Variants in GRID2 observed in about 807,000 individuals in gnomAD.
GRID2 encodes glutamate receptor ionotropic, delta-2.
GRID2 carries 33 observed loss-of-function variants against 114.8 expected under a neutral mutation model. That is an observed-to-expected ratio of 0.29 (90% confidence interval 0.22 to 0.38). The LOEUF (loss-of-function observed/expected upper bound fraction) is 0.38. Among genes scored for constraint, GRID2 ranks in the 10% least tolerant of loss-of-function variants. The pLI is 1.00. For missense variants in GRID2, 1,184 were observed against 1,257.7 expected, an observed-to-expected ratio of 0.94 and a Z score of 0.89; for synonymous variants, 505 against 449.9, an observed-to-expected ratio of 1.12 and a Z score of -1.55.
chr4:92,711,099 G>A (rs1182934469), intron 2 of GRID2, among the ~76,000 whole-genome samples: 2 of 152,080 alleles, frequency 1.3e-5, no homozygotes, highest in Middle Eastern at 3.4e-3. Flanking sequence ...CTAAGTTAAT[G>A]TAACTTATAC....
chr4:93,058,807 A>G (rs972496642), intron 2 of GRID2, among the ~76,000 whole-genome samples: 1 of 152,024 alleles, frequency 6.6e-6, no homozygotes, highest in Non-Finnish European at 1.5e-5. Context: ...AGTATCTTTC[A>G]TTTGGCTCAT....
intron 2 of GRID2, among the ~76,000 whole-genome samples, chr4:92,754,457 G>T (rs539955780): frequency 6.6e-6 from 1 of 152,166 alleles, no homozygotes; most frequent in South Asian, 2.1e-4. Context: ...AAACTATCTA[G>T]GTTCAAACCC....
intron 3 of GRID2, among the ~76,000 whole-genome samples, chr4:93,097,177 A>G (rs532487808): frequency 2.1e-4 from 32 of 152,096 alleles, no homozygotes; most frequent in African/African-American, 5.8e-4. Flanking sequence ...TTTTAGTGGT[A>G]ATGGAAATAT....
At chr4:92,569,847 T>A (rs1727523820) in intron 1 of GRID2, among the ~76,000 whole-genome samples, 2 of 152,252 alleles carry the variant, frequency 1.3e-5, no homozygotes, top group Non-Finnish European at 2.9e-5. Flanking sequence ...TCCTTATAGA[T>A]GCTGGATATT....
chr4:92,876,505 CGT>C (rs1272892793), intron 2 of GRID2, among the ~76,000 whole-genome samples: 1 of 152,004 alleles, frequency 6.6e-6, no homozygotes, highest in Non-Finnish European at 1.5e-5. Context: ...GGGGTTTCAC[CGT>C]GTTAACCAGG....
chr4:93,740,067 C>A (rs954431347), intron 14 of GRID2, among the ~76,000 whole-genome samples: 1 of 152,096 alleles, frequency 6.6e-6, no homozygotes. Context: ...ATATAGAAGA[C>A]GGTGGTCCCA....
At chr4:93,377,358 G>A (rs1012944978) in intron 8 of GRID2, among the ~76,000 whole-genome samples, 2 of 152,136 alleles carry the variant, frequency 1.3e-5, no homozygotes, top group African/African-American at 4.8e-5. Flanking sequence ...GTTATGATGA[G>A]CTTTGATGAG....
chr4:93,510,914 A>T (rs1729099803), intron 12 of GRID2, among the ~76,000 whole-genome samples: 2 of 152,098 alleles, frequency 1.3e-5, no homozygotes, highest in Admixed American at 1.3e-4. Context: ...TCAAATATTT[A>T]AAAAATTTAA....
intron 2 of GRID2, among the ~76,000 whole-genome samples, chr4:92,789,549 G>A (rs1336564063): frequency 1.3e-5 from 2 of 151,554 alleles, no homozygotes; most frequent in African/African-American, 4.8e-5. Flanking sequence ...TCCTCTTTCG[G>A]ATCTATTGTA....
intron 8 of GRID2, among the ~76,000 whole-genome samples, chr4:93,314,644 CT>C (rs1756388520): frequency 6.6e-6 from 1 of 151,960 alleles, no homozygotes; most frequent in Non-Finnish European, 1.5e-5. Flanking sequence ...ACAACTACCC[CT>C]CTCCTCCTTT....
intron 14 of GRID2, among the ~76,000 whole-genome samples, chr4:93,656,658 GTC>G (rs1723019344): frequency 6.7e-6 from 1 of 149,100 alleles, no homozygotes; most frequent in African/African-American, 2.5e-5. Context: ...GTGAAACCCC[GTC>G]TCTACTAAAA....
intron 8 of GRID2, among the ~76,000 whole-genome samples, chr4:93,370,909 A>G (rs967850492): frequency 3.3e-5 from 5 of 152,168 alleles, no homozygotes; most frequent in Non-Finnish European, 7.3e-5. Flanking sequence ...GATGAACTAA[A>G]TTACTGTAAA....
intron 8 of GRID2, among the ~76,000 whole-genome samples, chr4:93,336,081 C>T (rs1221938093): frequency 1.3e-5 from 2 of 152,012 alleles, no homozygotes; most frequent in African/African-American, 4.8e-5. Context: ...TATTTGCCAC[C>T]AAGTTTAAAC....
At chr4:93,505,569 T>C (rs1279380253) in intron 12 of GRID2, among the ~76,000 whole-genome samples, 2 of 149,638 alleles carry the variant, frequency 1.3e-5, no homozygotes, top group Non-Finnish European at 3.0e-5. Flanking sequence ...CCTTTTATAG[T>C]GAAGATTTGC....
intron 13 of GRID2, among the ~76,000 whole-genome samples, chr4:93,625,054 A>G (rs1337343846): frequency 6.6e-6 from 1 of 152,230 alleles, no homozygotes; most frequent in Non-Finnish European, 1.5e-5. Context: ...ATTTAGAAGG[A>G]CACAGGACAG....
At chr4:93,107,086 G>T (rs1370526798) in intron 3 of GRID2, among the ~76,000 whole-genome samples, 1 of 152,118 alleles carries the variant, frequency 6.6e-6, no homozygotes, top group African/African-American at 2.4e-5. Context: ...GATCGCCTGA[G>T]CTCAGCAGTT....
intron 2 of GRID2, among the ~76,000 whole-genome samples, chr4:92,916,530 GC>G (rs1426131141): frequency 2.0e-5 from 3 of 151,836 alleles, no homozygotes; most frequent in Non-Finnish European, 4.4e-5. Flanking sequence ...CCCACAACAG[GC>G]CCTCGTGTGT....
At chr4:93,316,312 GAAAGAAAGAAAGAAAGAAA>G (rs1560490594) in intron 8 of GRID2, among the ~76,000 whole-genome samples, 39 of 122,352 alleles carry the variant, frequency 3.2e-4, no homozygotes, top group African/African-American at 1.4e-3. Context: ...AAGAAAGAAA[GAAAGAAAGAAAGAAAGAAA>G]GAAAGAAAGA....
At chr4:93,649,351 C>T (rs879406657) in intron 14 of GRID2, among the ~76,000 whole-genome samples, 13 of 152,156 alleles carry the variant, frequency 8.5e-5, no homozygotes, top group Admixed American at 8.5e-4. Flanking sequence ...AAGCCAATAT[C>T]CTACTTGGCC....
Sources: gnomAD v4.1 joint callset for allele counts (sites outside exome capture counted in the v4.1 genomes callset) on GRCh38, gnomAD v4.1.1 for gene constraint, MANE v1.5 for transcripts, NCBI Gene and HGNC (gene_info 2026-07-23, HGNC 2026-07-21) for gene names.